The following H2AJ variants were observed in gnomAD, a reference collection of about 807,000 sequenced individuals.
H2AJ encodes histone H2A.J.
In H2AJ, 3 loss-of-function variants were observed where a neutral mutation model predicts 7.9. The observed-to-expected ratio is 0.38, with a 90% CI of 0.17 to 0.98. The LOEUF (loss-of-function observed/expected upper bound fraction) is 0.98, where lower values mean the gene tolerates loss of function less well. Among genes scored for constraint, H2AJ ranks in the 50% least tolerant of loss-of-function variants. The pLI, the probability that H2AJ is intolerant of heterozygous loss-of-function variation, is 0.39. For missense variants in H2AJ, 128 were observed against 174.4 expected, an observed-to-expected ratio of 0.73 and a Z score of 1.50; for synonymous variants, 98 against 85.7, an observed-to-expected ratio of 1.14 and a Z score of -0.79.
chr12:14,777,575 C>T (rs566659293), downstream of H2AJ: 37 of 166,982 alleles, frequency 2.2e-4, no homozygotes, highest in African/African-American at 7.2e-4. Flanking sequence ...GTTGAAAGGT[C>T]GCATACCATG....
downstream of H2AJ, chr12:14,775,122 C>T (rs1164420003): frequency 1.9e-6 from 1 of 533,636 alleles, no homozygotes; most frequent in Non-Finnish European, 3.5e-6. Context: ...GGTGGGTGGG[C>T]TTGAGCCACT....
rs1823 is a variant in H2AJ, at chr12:14,774,803, C to G, written c.333C>G (p.Asn111Lys). 2,060 of 1,614,234 alleles carry G rather than the reference C, an allele frequency of 1.3e-3. 4 individuals carry two copies. The highest frequency in any genetic ancestry group is 1.6e-3 in the Non-Finnish European group (1,894 of 1,180,036). ...VTIAQGGVLP[N>K]IQAVLLPKKT... ...TCGCTCAGGGCGGCGTCCTGCCCAA[C>G]ATCCAGGCCGTGCTGCTGCCCAAGA... The change falls in exon 1 of 1, where the codon AAC becomes AAG. Residue 111 changes from asparagine (N) to lysine (K), a missense_variant. Asn to Lys is a moderately conservative substitution (Grantham distance 94). Coordinates refer to ENST00000544848, the MANE Select transcript of H2AJ (RefSeq NM_177925.5).
chr12:14,774,446 C>A lies in H2AJ; in HGVS notation c.-25C>A, dbSNP rs1055627989. 6.5e-7 allele frequency: 1 copy of A among 1,537,440 alleles called. No individual in the cohort carries two copies. Among genetic ancestry groups the A allele is most frequent in the African/African-American group, 1.4e-5 (1 of 72,312 alleles). On this transcript the variant is annotated 5_prime_UTR_variant, in exon 1 of 1. In the 5' UTR this introduces an upstream ATG that the reference lacks. Coordinates refer to ENST00000544848, the MANE Select transcript of H2AJ (RefSeq NM_177925.5). ...CGCCGAGAGCGGTTTGTCTCCGTCT[C>A]TGGAGTTGTAGGCGAGAGGTGATCA... is the stretch of plus-strand genomic sequence containing the variant.
downstream of H2AJ, chr12:14,775,501 T>A (rs553335074): frequency 2.2e-6 from 1 of 461,624 alleles, no homozygotes; most frequent in African/African-American, 2.0e-5. Context: ...ATGCTTTGGA[T>A]ATCAGATATC....
chr12:14,775,247 G>T (rs1359523206), downstream of H2AJ: 2 of 482,358 alleles, frequency 4.1e-6, no homozygotes, highest in African/African-American at 3.9e-5. Context: ...CAGAGTCGGT[G>T]CGGTGAGGCC....
downstream of H2AJ, chr12:14,775,113 G>A (rs1422313762): frequency 4.0e-5 from 22 of 548,354 alleles, no homozygotes; most frequent in Non-Finnish European, 6.7e-5. Context: ...GCAGGCACTG[G>A]TGGGTGGGCT....
In H2AJ at chr12:14,774,722, G is replaced by A; in HGVS notation, c.252G>A (p.Leu84=). The change falls in exon 1 of 1, where the codon CTG becomes CTA. Residue 84 remains leucine (L), a synonymous_variant. Transcript: ENST00000544848. ...AGACCAGGATAATTCCCCGCCACCT[G>A]CAGCTCGCCATCCGCAACGACGAGG... The part of the protein sequence containing the change: ...NKKTRIIPRH[L]QLAIRNDEEL... 6.2e-7 allele frequency: 1 copy of A among 1,614,206 alleles called. No homozygotes were observed.
At chr12:14,777,754 G>A (rs1400845575), downstream of H2AJ, 1 of 167,078 alleles carries the variant, frequency 6.0e-6, no homozygotes, top group East Asian at 1.9e-4. Flanking sequence ...GTGAATTAAT[G>A]TGTGTGAGGA....
At chr12:14,775,852 A>T (rs912319255), downstream of H2AJ, 3 of 174,046 alleles carry the variant, frequency 1.7e-5, no homozygotes, top group African/African-American at 7.2e-5. Context: ...ACCTCATTCC[A>T]GTAATGTCTT....
At chr12:14,775,348 G>A, downstream of H2AJ, 1 of 471,460 alleles carries the variant, frequency 2.1e-6, no homozygotes, top group Admixed American at 2.3e-5. Context: ...GGAAGATACC[G>A]TCGGATCGAG....
downstream of H2AJ, chr12:14,775,297 C>G (rs767726041): frequency 4.2e-6 from 2 of 472,128 alleles, no homozygotes; most frequent in Non-Finnish European, 8.8e-6. Context: ...ACAGAGCCTT[C>G]GCTCTCCTGC....
chr12:14,774,544 A>G lies in H2AJ; in HGVS notation c.74A>G (p.Gln25Arg), dbSNP rs1428326420. Residue 25 changes from glutamine (Q) to arginine (R), a missense_variant, in exon 1 of 1, where the codon CAG becomes CGG. Transcript: ENST00000544848. ...AKSRSSRAGL[Q>R]FPVGRVHRLL... ...TCCCGCTCCTCCCGCGCGGGCCTGC[A>G]GTTCCCGGTGGGCCGAGTGCACAGA... is the stretch of plus-strand genomic sequence containing the variant. 3 of 1,612,530 alleles carry G rather than the reference A, an allele frequency of 1.9e-6. No homozygotes were observed.
chr12:14,774,435 T>A lies in H2AJ; in HGVS notation c.-36T>A. 6.6e-7 allele frequency: 1 copy of A among 1,526,686 alleles called. No individual in the cohort carries two copies. Among genetic ancestry groups the A allele is most frequent in the Non-Finnish European group, 8.8e-7 (1 of 1,138,964 alleles). The allele number at this position is 1,526,686 out of a possible 1,614,324, so 94.6% of individuals were successfully genotyped here. The stretch of plus-strand genomic sequence containing the variant: ...CCGGTACCGGACGCCGAGAGCGGTT[T>A]GTCTCCGTCTCTGGAGTTGTAGGCG... On this transcript the variant is annotated 5_prime_UTR_variant, in exon 1 of 1. Coordinates refer to ENST00000544848, the MANE Select transcript of H2AJ (RefSeq NM_177925.5).
rs559144888 is a variant in H2AJ, at chr12:14,774,887, C to T, written c.*27C>T. 8.1e-6 allele frequency: 13 copies of T among 1,605,412 alleles called. No homozygotes were observed. Among genetic ancestry groups the T allele is most frequent in the South Asian group, 5.5e-5 (5 of 90,292 alleles). Reference sequence around the variant, plus strand: ...CCTGACGCCGCCCTCAGGGAGCTGGCTCCCCCAGCAAAGGCCCTTTTCATG... The same window carrying T: ...CCTGACGCCGCCCTCAGGGAGCTGGTTCCCCCAGCAAAGGCCCTTTTCATG... On this transcript the variant is annotated 3_prime_UTR_variant, in exon 1 of 1. Transcript: ENST00000544848.
downstream of H2AJ, chr12:14,776,817 G>A (rs912954446): frequency 6.0e-6 from 1 of 167,028 alleles, no homozygotes; most frequent in African/African-American, 2.4e-5. Flanking sequence ...AAAGGGATGA[G>A]GCATCTGAGG....
chr12:14,776,859 C>T (rs1949647015), downstream of H2AJ: 1 of 167,022 alleles, frequency 6.0e-6, no homozygotes, highest in Non-Finnish European at 1.5e-5. Context: ...GAAATAAGGA[C>T]AAGGGACATC....
At chr12:14,776,985 C>T (rs1023337703), downstream of H2AJ, 2 of 167,188 alleles carry the variant, frequency 1.2e-5, no homozygotes, top group Non-Finnish European at 2.9e-5. Flanking sequence ...TGTAACTGCC[C>T]TGTCGCCACC....
chr12:14,775,165 G>A, downstream of H2AJ: 1 of 489,376 alleles, frequency 2.0e-6, no homozygotes, highest in Non-Finnish European at 4.0e-6. Context: ...TCACCCTCGA[G>A]GCGTCAGGGG....
Position 14,774,495 on chromosome 12 carries a change from G to T in H2AJ, c.25G>T (p.Gly9Cys). The T allele has an allele frequency of 6.3e-7, 1 of 1,585,944 alleles. No homozygotes were observed. Among genetic ancestry groups the T allele is most frequent in the Non-Finnish European group, 8.6e-7 (1 of 1,167,424 alleles). ...CATGTCCGGTCGCGGGAAACAGGGC[G>T]GCAAAGTGCGAGCAAAGGCCAAATC... is the stretch of plus-strand genomic sequence containing the variant. Reference protein sequence around the residue: MSGRGKQGGKVRAKAKSRS... With the variant: MSGRGKQGCKVRAKAKSRS... Residue 9 changes from glycine to cysteine, a missense_variant, in exon 1 of 1, where the codon GGC becomes TGC. By Grantham distance (159) the Gly-to-Cys change is radical (BLOSUM62 -3). Coordinates refer to ENST00000544848, the MANE Select transcript of H2AJ (RefSeq NM_177925.5).
Sources: gnomAD v4.1 joint callset for allele counts on GRCh38, gnomAD v4.1.1 for gene constraint, MANE v1.5 for transcripts, NCBI Gene and HGNC (gene_info 2026-07-23, HGNC 2026-07-21) for gene names.